Variants in RALGPS1 observed in about 807,000 individuals in gnomAD.
RALGPS1 encodes Ral GEF with PH domain and SH3 binding motif 1, also known as ras-specific guanine nucleotide-releasing factor RalGPS1.
RALGPS1 carries 19 observed loss-of-function variants against 78.8 expected under a neutral mutation model. The ratio of observed to expected loss-of-function variants is 0.24; its 90% CI spans 0.17 to 0.35. RALGPS1 has a LOEUF of 0.35. Ranked by LOEUF, RALGPS1 falls within the 10% of genes least tolerant of loss-of-function variation. RALGPS1 has a pLI of 1.00. For missense variants in RALGPS1, 454 were observed against 688.3 expected, an observed-to-expected ratio of 0.66 and a Z score of 3.81; for synonymous variants, 228 against 256.3, an observed-to-expected ratio of 0.89 and a Z score of 1.06.
At position 127,166,122 on chromosome 9, in the gene RALGPS1, A is replaced by G. The variant is rs2059276653; in HGVS notation, c.664A>G (p.Ser222Gly). Reference protein sequence around the residue: ...YIDSAYPASGSIMENEQRSNQ... With the variant: ...YIDSAYPASGGIMENEQRSNQ... ...TGATTCTGCATATCCTGCCTCAGGC[A>G]GTATCATGGAAAATGAACAAAGATC... is the stretch of plus-strand genomic sequence containing the variant. Residue 222 changes from serine (S) to glycine (G), a missense_variant, in exon 9 of 19, where the codon AGT (serine) becomes GGT (glycine). Ser to Gly is a moderately conservative substitution (Grantham distance 56, BLOSUM62 0). Coordinates refer to ENST00000259351, the MANE Select transcript of RALGPS1 (RefSeq NM_014636.3). The G allele has an allele frequency of 6.2e-7, 1 of 1,613,304 alleles. No homozygotes were observed.
At chr9:127,153,713 TG>T (rs2058558587) in intron 8 of RALGPS1, among the ~76,000 whole-genome samples, 1 of 152,250 alleles carries the variant, frequency 6.6e-6, no homozygotes, top group East Asian at 1.9e-4. Context: ...CATGCTTTCC[TG>T]CCACTTCGGC....
intron 4 of RALGPS1, among the ~76,000 whole-genome samples, chr9:127,011,696 TA>T (rs1447981139): frequency 6.6e-6 from 1 of 152,196 alleles, no homozygotes; most frequent in East Asian, 1.9e-4. Context: ...CTAAGAAATT[TA>T]AAAAATAAAT....
intron 4 of RALGPS1, among the ~76,000 whole-genome samples, chr9:127,023,883 A>G (rs990154433): frequency 1.3e-5 from 2 of 152,118 alleles, no homozygotes; most frequent in African/African-American, 4.8e-5. Context: ...TAAAAAGTAC[A>G]AAAATTAGCC....
intron 5 of RALGPS1, among the ~76,000 whole-genome samples, chr9:127,035,848 C>CTTTT: frequency 6.6e-6 from 1 of 152,096 alleles, no homozygotes; most frequent in African/African-American, 2.4e-5. Context: ...AAGTCTTTTG[C>CTTTT]TTCTTTTTTC....
intron 8 of RALGPS1, among the ~76,000 whole-genome samples, chr9:127,132,343 A>C (rs1938762988): frequency 6.6e-6 from 1 of 152,240 alleles, no homozygotes; most frequent in South Asian, 2.1e-4. Context: ...CGTTAAAAAA[A>C]GGTTCCTATA....
Position 127,183,538 on chromosome 9 carries a change from C to T in RALGPS1, c.910+8756C>T, listed in dbSNP as rs150874924. 2.6e-5 allele frequency among the ~76,000 whole-genome samples: 4 copies of T among 152,264 alleles called. No individual in the cohort carries two copies. The highest frequency in any genetic ancestry group is 6.5e-5 in the Admixed American group (1 of 15,294). On this transcript the variant is annotated intron_variant, in intron 11 of 18. Coordinates refer to ENST00000259351, the MANE Select transcript of RALGPS1 (RefSeq NM_014636.3). The surrounding 1 kb of genome is among the most constrained non-coding windows in gnomAD (Gnocchi z 4.0). ...GCACAACAGACCTGCCTGTGGCCAC[C>T]GCTGTCTTCTGGCACAGCCGTTTGG...
At chr9:126,958,140 A>ATAAAT (rs1181506015) in intron 1 of RALGPS1, among the ~76,000 whole-genome samples, 89 of 79,916 alleles carry the variant, frequency 1.1e-3, no homozygotes, top group African/African-American at 3.0e-3. Context: ...AAAAAAAAAA[A>ATAAAT]AAATATATAT....
rs556378413 is a variant in RALGPS1, at chr9:127,218,990, C to T, written c.*221C>T. ...CTCTCATGACACTCATTCTGCAGCACCGCCTCTTGGGGCAGTGGTCAGACC... is the reference window on the plus strand; with the variant it reads ...CTCTCATGACACTCATTCTGCAGCATCGCCTCTTGGGGCAGTGGTCAGACC... On this transcript the variant is annotated 3_prime_UTR_variant, in exon 19 of 19. Transcript: ENST00000259351. This position sits in a 1 kb window ranked among gnomAD's most constrained non-coding sequence, Gnocchi z 4.4. 3.2e-5 allele frequency: 19 copies of T among 592,374 alleles called. No individual in the cohort carries two copies. The highest frequency in any genetic ancestry group is 3.2e-4 in the African/African-American group (17 of 53,740). 36.7% of individuals were successfully genotyped at this position (592,374 alleles called of 1,614,324 possible). A position where few individuals can be genotyped will look rare whatever the true frequency, so the allele number is the denominator to read the frequency against.
chr9:127,118,442 C>G (rs910343399), intron 8 of RALGPS1, among the ~76,000 whole-genome samples: 1 of 152,236 alleles, frequency 6.6e-6, no homozygotes, highest in African/African-American at 2.4e-5. Context: ...AAAAGAAATG[C>G]TATTCAATGA....
At chr9:127,040,579 G>A (rs1385624609) in intron 5 of RALGPS1, among the ~76,000 whole-genome samples, 1 of 152,104 alleles carries the variant, frequency 6.6e-6, no homozygotes, top group African/African-American at 2.4e-5. Context: ...AGCCCCAGAT[G>A]GAACCGAAAT....
At chr9:126,979,993 G>A (rs1301079175) in intron 4 of RALGPS1, among the ~76,000 whole-genome samples, 1 of 152,186 alleles carries the variant, frequency 6.6e-6, no homozygotes, top group Non-Finnish European at 1.5e-5. Flanking sequence ...GAGGCAGAGT[G>A]AGGATTCAGA....
chr9:127,163,819 C>T (rs1391151518), intron 8 of RALGPS1, among the ~76,000 whole-genome samples: 1 of 152,204 alleles, frequency 6.6e-6, no homozygotes, highest in Non-Finnish European at 1.5e-5. Context: ...CAAACCCTCA[C>T]AACTTTTATA....
At chr9:127,140,047 C>G (rs2057663825) in intron 8 of RALGPS1, among the ~76,000 whole-genome samples, 2 of 152,176 alleles carry the variant, frequency 1.3e-5, no homozygotes, top group African/African-American at 4.8e-5. Flanking sequence ...CCAGGGAGTT[C>G]TCAACACTGG....
At chr9:126,963,805 G>A (rs754749179) in intron 2 of RALGPS1, among the ~76,000 whole-genome samples, 1 of 152,158 alleles carries the variant, frequency 6.6e-6, no homozygotes, top group Non-Finnish European at 1.5e-5. Context: ...TCGAGCCGGT[G>A]CTCCTAACCA....
chr9:127,130,077 C>T (rs1310338025), intron 8 of RALGPS1, among the ~76,000 whole-genome samples: 1 of 152,194 alleles, frequency 6.6e-6, no homozygotes, highest in Non-Finnish European at 1.5e-5. Flanking sequence ...GTGTCACCAG[C>T]TCCCTCCCTG....
intron 9 of RALGPS1, among the ~76,000 whole-genome samples, chr9:127,167,649 C>T (rs915612467): frequency 1.3e-5 from 2 of 152,238 alleles, no homozygotes; most frequent in Admixed American, 6.5e-5. Flanking sequence ...GTATCATCCT[C>T]ACTTCAGAGA....
At chr9:127,027,509 A>G (rs1199654194) in intron 4 of RALGPS1, among the ~76,000 whole-genome samples, 1 of 152,210 alleles carries the variant, frequency 6.6e-6, no homozygotes, top group Non-Finnish European at 1.5e-5. Flanking sequence ...TTACAGTGAA[A>G]TATATACAAA....
At chr9:127,155,088 T>C (rs2058639059) in intron 8 of RALGPS1, among the ~76,000 whole-genome samples, 1 of 152,186 alleles carries the variant, frequency 6.6e-6, no homozygotes, top group South Asian at 2.1e-4. Context: ...GATACCACAG[T>C]GTGGGGCTGT....
chr9:127,030,799 G>T (rs1263000319), intron 4 of RALGPS1, among the ~76,000 whole-genome samples: 1 of 152,114 alleles, frequency 6.6e-6, no homozygotes, highest in Non-Finnish European at 1.5e-5. Context: ...CAGGAAGAGA[G>T]CGAAAGAAGC....
Sources: gnomAD v4.1 joint callset for allele counts (sites outside exome capture counted in the v4.1 genomes callset) on GRCh38, gnomAD v4.1.1 for gene constraint, Gnocchi (gnomAD v3.1) non-coding constraint, MANE v1.5 for transcripts, NCBI Gene and HGNC (gene_info 2026-07-23, HGNC 2026-07-21) for gene names.